Variants in NUDT3 observed in about 807,000 individuals in gnomAD.
NUDT3 encodes the protein nudix hydrolase 3.
A neutral mutation model predicts 23.6 loss-of-function variants in NUDT3; 9 were observed. That is an observed-to-expected ratio of 0.38 (90% CI 0.23 to 0.66). The LOEUF is 0.66. Ranked by LOEUF, NUDT3 falls within the 30% of genes least tolerant of loss-of-function variation. NUDT3 has a pLI of 0.52. For synonymous variants in NUDT3, 86 were observed against 82.6 expected (o/e 1.04, Z -0.22); for missense variants, 172 against 218.5 (o/e 0.79, Z 1.34).
chr6:34,329,867 T>G (rs971509319), intron 2 of NUDT3, among the ~76,000 whole-genome samples: 2 of 152,170 alleles, frequency 1.3e-5, no homozygotes, highest in African/African-American at 4.8e-5. Context: ...TTCTCATTGT[T>G]CAATTCCCAC....
At chr6:34,295,756 G>A in intron 2 of NUDT3, 71 bp from the exon 3 acceptor site, 1 of 1,585,968 alleles carries the variant, frequency 6.3e-7, no homozygotes, top group Non-Finnish European at 8.6e-7. Flanking sequence ...GTCTTCTTAA[G>A]CAGTTTATAA....
chr6:34,382,239 T>C (rs1329415940), intron 1 of NUDT3, among the ~76,000 whole-genome samples: 2 of 150,636 alleles, frequency 1.3e-5, no homozygotes, highest in Non-Finnish European at 3.0e-5. Context: ...CTACAAAAAA[T>C]AAAAAAAATA....
At chr6:34,368,875 T>C (rs1191647814) in intron 1 of NUDT3, among the ~76,000 whole-genome samples, 2 of 152,198 alleles carry the variant, frequency 1.3e-5, no homozygotes, top group Non-Finnish European at 2.9e-5. Context: ...CCAGACCTCA[T>C]GATCCGCCTG....
intron 1 of NUDT3, among the ~76,000 whole-genome samples, chr6:34,390,395 C>G (rs1263043725): frequency 1.3e-5 from 2 of 151,890 alleles, no homozygotes; most frequent in Non-Finnish European, 2.9e-5. Context: ...AGTAAGCTTT[C>G]AACATTAATG....
chr6:34,295,715 T>C, intron 2 of NUDT3, 30 bp from the exon 3 acceptor site: 1 of 1,612,442 alleles, frequency 6.2e-7, no homozygotes, highest in South Asian at 1.1e-5. Context: ...ATTAATGCAC[T>C]GATAGTATTA....
rs1295819509 is a variant in NUDT3 at position 34,287,295 on chromosome 6, TCTC to T, written c.*1455_*1457del. Reference sequence around the variant, plus strand: ...AGATGCCACTGGAGTACAGAGATAATCTCCTGTCTTAAGCCACGGATCAGTCAG... The same window carrying T: ...AGATGCCACTGGAGTACAGAGATAATCTGTCTTAAGCCACGGATCAGTCAG... On this transcript the variant is annotated 3_prime_UTR_variant, in exon 5 of 5. Transcript: ENST00000607016. 2 of 152,076 alleles carry T rather than the reference TCTC, an allele frequency of 1.3e-5. No individual in the cohort carries two copies. The highest frequency in any genetic ancestry group is 2.9e-5 in the Non-Finnish European group (2 of 68,022). 9.4% of individuals were successfully genotyped at this position (152,076 alleles called of 1,614,324 possible).
At position 34,288,064 on chromosome 6, in the gene NUDT3, A is replaced by G. The variant is rs900522125; in HGVS notation, c.*689T>C. The G allele has an allele frequency of 2.0e-5, 3 of 152,378 alleles. No individual in the cohort carries two copies. Among genetic ancestry groups the G allele is most frequent in the East Asian group, 3.9e-4 (2 of 5,194 alleles). The allele number at this position is 152,378 out of a possible 1,614,324, so 9.4% of individuals were successfully genotyped here. On this transcript the variant is annotated 3_prime_UTR_variant, in exon 5 of 5. Transcript: ENST00000607016. ...CTATGAAGGTAGCTAAACTCTTCCC[A>G]TATCTACAGTCAATGACTGGGAAAT...
chr6:34,386,172 C>T (rs572903386), intron 1 of NUDT3, among the ~76,000 whole-genome samples: 90 of 152,304 alleles, frequency 5.9e-4, no homozygotes, highest in Non-Finnish European at 1.2e-3. Context: ...ATTCAGTGTA[C>T]CAAGCTGGTT....
intron 2 of NUDT3, 102 bp from the exon 3 acceptor site, chr6:34,295,787 G>T (rs41269038): frequency 0.1 from 146,158 of 1,452,352 alleles, 8,202 homozygotes; most frequent in Middle Eastern, 0.12. Context: ...AAAAACAAGA[G>T]GACACAGCTT....
intron 4 of NUDT3, among the ~76,000 whole-genome samples, chr6:34,291,173 G>A (rs1047713136): frequency 3.3e-4 from 50 of 152,114 alleles, no homozygotes; most frequent in African/African-American, 1.1e-3. Context: ...TGGACAGGCT[G>A]GTCTCGAACT....
At chr6:34,335,443 C>T (rs955118252) in intron 2 of NUDT3, among the ~76,000 whole-genome samples, 2 of 151,888 alleles carry the variant, frequency 1.3e-5, no homozygotes, top group South Asian at 2.1e-4. Context: ...TAATATTTTA[C>T]GTCTTAAATA....
At chr6:34,391,045 A>T (rs903554413) in intron 1 of NUDT3, among the ~76,000 whole-genome samples, 26 of 152,202 alleles carry the variant, frequency 1.7e-4, no homozygotes, top group African/African-American at 5.1e-4. Context: ...AAGGGAGCAC[A>T]CATGGGATCC....
chr6:34,335,312 T>A (rs557946201), intron 2 of NUDT3, among the ~76,000 whole-genome samples: 3 of 152,152 alleles, frequency 2.0e-5, no homozygotes, highest in African/African-American at 7.2e-5. Flanking sequence ...CACCTAAGAG[T>A]CGTGGCCTCA....
intron 1 of NUDT3, among the ~76,000 whole-genome samples, chr6:34,342,665 C>A (rs185390350): frequency 7.0e-4 from 107 of 152,308 alleles, no homozygotes; most frequent in Non-Finnish European, 1.1e-3. Context: ...TTACTTACCC[C>A]TCTCTGTAGG....
At chr6:34,292,754 G>A (rs1482279178) in intron 4 of NUDT3, among the ~76,000 whole-genome samples, 1 of 152,182 alleles carries the variant, frequency 6.6e-6, no homozygotes, top group Non-Finnish European at 1.5e-5. Context: ...TAAATGTCAT[G>A]AGGAACAAGA....
chr6:34,371,343 G>A (rs924657052), intron 1 of NUDT3, among the ~76,000 whole-genome samples: 3 of 151,506 alleles, frequency 2.0e-5, no homozygotes, highest in African/African-American at 4.9e-5. Flanking sequence ...TGGCGTGCCG[G>A]TAGTCCAAGC....
chr6:34,380,354 A>G (rs1034311448), intron 1 of NUDT3, among the ~76,000 whole-genome samples: 4 of 151,784 alleles, frequency 2.6e-5, no homozygotes, highest in African/African-American at 4.8e-5. Flanking sequence ...GCCCAGCCCT[A>G]TTTATTTTTT....
At chr6:34,369,773 C>G (rs1197811460) in intron 1 of NUDT3, among the ~76,000 whole-genome samples, 1 of 152,142 alleles carries the variant, frequency 6.6e-6, no homozygotes, top group Admixed American at 6.6e-5. Flanking sequence ...AAACCACAAA[C>G]AGAGCAGATG....
intron 2 of NUDT3, among the ~76,000 whole-genome samples, chr6:34,311,055 G>T (rs922999402): frequency 6.6e-6 from 1 of 150,630 alleles, no homozygotes. Context: ...TTGATACAGA[G>T]TAAGTACAAA....
Sources: gnomAD v4.1 joint callset for allele counts (sites outside exome capture counted in the v4.1 genomes callset) on GRCh38, gnomAD v4.1.1 for gene constraint, MANE v1.5 for transcripts, NCBI Gene and HGNC (gene_info 2026-07-23, HGNC 2026-07-21) for gene names.